SIRT6: variants seen among roughly 807,000 people sequenced by gnomAD.
SIRT6 encodes the protein sirtuin 6.
In SIRT6, 21 loss-of-function variants were observed where a neutral mutation model predicts 33.6. The observed-to-expected ratio is 0.62, with a 90% CI of 0.44 to 0.90. SIRT6 has a LOEUF of 0.90. Among genes scored for constraint, SIRT6 ranks in the 40% least tolerant of loss-of-function variants. The probability of loss-of-function intolerance (pLI) is 0.00; values close to 1 mark genes in which losing one functional copy is unlikely to be tolerated. For synonymous variants in SIRT6, 221 were observed against 223.9 expected, an observed-to-expected ratio of 0.99 and a Z score of 0.12; for missense variants, 504 against 510.6, an observed-to-expected ratio of 0.99 and a Z score of 0.12.
At chr19:4,181,955 T>C (rs1424627172) in intron 1 of SIRT6, among the ~76,000 whole-genome samples, 1 of 152,110 alleles carries the variant, frequency 6.6e-6, no homozygotes, top group Non-Finnish European at 1.5e-5. Context: ...AGTTTGGAGA[T>C]GGAGACCCAA....
At chr19:4,179,545 A>G (rs565384426) in intron 2 of SIRT6, 81 of 527,964 alleles carry the variant, frequency 1.5e-4, no homozygotes, top group Non-Finnish European at 2.4e-4. Context: ...TTGGAGAGAG[A>G]CAGAGAGAGG....
Position 4,174,943 on chromosome 19 carries a change from G to A in SIRT6, c.742C>T (p.Arg248Cys), listed in dbSNP as rs201886868. 8.7e-6 allele frequency: 14 copies of A among 1,608,714 alleles called. No individual in the cohort carries two copies. The East Asian group carries it at 1.3e-4, about 15-fold the overall frequency. Reference protein sequence around the residue: ...IVNLQPTKHDRHADLRIHGYV... With the variant: ...IVNLQPTKHDCHADLRIHGYV... Reference sequence around the variant, plus strand: ...CCATGGATGCGGAGGTCAGCATGGCGGTCCTGCCGAGGGGCGGGACGGGTC... The same window carrying A: ...CCATGGATGCGGAGGTCAGCATGGCAGTCCTGCCGAGGGGCGGGACGGGTC... The change falls in exon 8 of 8, where the codon CGC becomes TGC. Residue 248 changes from arginine to cysteine, a missense_variant. Coordinates refer to ENST00000337491, the MANE Select transcript of SIRT6 (RefSeq NM_016539.4). The surrounding 1 kb of genome is among the most constrained non-coding windows in gnomAD (Gnocchi z 4.2).
intron 2 of SIRT6, among the ~76,000 whole-genome samples, chr19:4,180,186 C>A (rs998873915): frequency 7.1e-6 from 1 of 139,868 alleles, no homozygotes; most frequent in Admixed American, 8.0e-5. Context: ...CTGACTGCAA[C>A]CTCTGCCTCC....
chr19:4,178,796 C>T (rs895910700), intron 3 of SIRT6, among the ~76,000 whole-genome samples: 1 of 152,192 alleles, frequency 6.6e-6, no homozygotes, highest in Non-Finnish European at 1.5e-5. Flanking sequence ...GGAGATCACG[C>T]CATTGCACTC....
At chr19:4,182,340 C>G (rs1235794823) in intron 1 of SIRT6, 134 bp downstream of exon 1, 3 of 913,678 alleles carry the variant, frequency 3.3e-6, no homozygotes, top group Non-Finnish European at 4.8e-6. Context: ...CTTCCCGCCC[C>G]TTCCTCACTG....
Position 4,179,268 on chromosome 19 carries a change from C to T in SIRT6, c.213G>A (p.Trp71Ter), listed in dbSNP as rs1967488121. Residue 71 changes from tryptophan to a stop codon, truncating the protein, a stop_gained, in exon 3 of 8, where the codon TGG becomes TGA. Coordinates refer to ENST00000337491, the MANE Select transcript of SIRT6 (RefSeq NM_016539.4). LOFTEE classifies it high-confidence loss of function. Reference protein sequence around the residue: ...IPDFRGPHGVWTMEERGLAPK... With the variant: ...IPDFRGPHGV ...GGGCCAGACCTCGCTCCTCCATGGT[C>T]CAGACTCCGTGGGGACCCCTGAAGG... 6.2e-7 allele frequency: 1 copy of T among 1,604,540 alleles called. No homozygotes were observed. Among genetic ancestry groups the T allele is most frequent in the Non-Finnish European group, 8.5e-7 (1 of 1,176,002 alleles).
chr19:4,182,211 C>T (rs1967730241), intron 1 of SIRT6: 1 of 489,314 alleles, frequency 2.0e-6, no homozygotes. Context: ...TTATTCCCAC[C>T]TCCCTTTGCG....
chr19:4,182,280 G>T (rs1967738991), intron 1 of SIRT6, 194 bp downstream of exon 1: 3 of 567,678 alleles, frequency 5.3e-6, no homozygotes, highest in Non-Finnish European at 9.2e-6. Flanking sequence ...CCCCGACAGG[G>T]TGACCACAGA....
intron 3 of SIRT6, among the ~76,000 whole-genome samples, chr19:4,178,381 G>A (rs1967430890): frequency 6.6e-6 from 1 of 152,114 alleles, no homozygotes; most frequent in South Asian, 2.1e-4. Context: ...ACCCCTGGCT[G>A]CCGAGCTCCT....
Position 4,175,224 on chromosome 19 carries a change from G to C in SIRT6, c.615-73C>G, listed in dbSNP as rs1252481194. 1.1e-5 allele frequency: 16 copies of C among 1,519,014 alleles called. No individual in the cohort carries two copies. In the Admixed American group the frequency reaches 3.1e-4, roughly 30 times the overall value. 94.1% of individuals were successfully genotyped at this position (1,519,014 alleles called of 1,614,324 possible). A position where few individuals can be genotyped will look rare whatever the true frequency, so the allele number is the denominator to read the frequency against. ...CATCCCGAGCCAGCCCTGGGGGCCG[G>C]TTCACACCTAGGCCATCTGTGCTCA... is the stretch of plus-strand genomic sequence containing the variant. On this transcript the variant is annotated intron_variant, in intron 6 of 7. Coordinates refer to ENST00000337491, the MANE Select transcript of SIRT6 (RefSeq NM_016539.4).
intron 6 of SIRT6, 109 bp from the exon 7 acceptor site, chr19:4,175,260 C>G: frequency 7.1e-7 from 1 of 1,414,808 alleles, no homozygotes; most frequent in South Asian, 1.4e-5. Context: ...CCGGGGCGGT[C>G]AAGGCCAGCC....
At position 4,178,096 on chromosome 19, in the gene SIRT6, G is replaced by A. The variant is rs528648223; in HGVS notation, c.378-958C>T. 1.0e-4 allele frequency among the ~76,000 whole-genome samples: 15 copies of A among 146,360 alleles called. No individual in the cohort carries two copies. The South Asian group carries it at 1.1e-3, about 11-fold the overall frequency. Reference sequence around the variant, plus strand: ...AGCTGGAGTGCAGTGGCGCCATCTCGGCTCACTGCAACCTCTGCCTCCCGG... The same window carrying A: ...AGCTGGAGTGCAGTGGCGCCATCTCAGCTCACTGCAACCTCTGCCTCCCGG... On this transcript the variant is annotated intron_variant, in intron 3 of 7. Coordinates refer to ENST00000337491, the MANE Select transcript of SIRT6 (RefSeq NM_016539.4).
intron 3 of SIRT6, 78 bp from the exon 4 acceptor site, chr19:4,177,216 CCT>C: frequency 6.9e-7 from 1 of 1,439,712 alleles, no homozygotes; most frequent in Admixed American, 1.8e-5. Context: ...GTGCTAAGCC[CCT>C]CTCCTCCAGG....
At position 4,174,939 on chromosome 19, in the gene SIRT6, T is replaced by C. The variant is rs745815651; in HGVS notation, c.746A>G (p.His249Arg). The change falls in exon 8 of 8, where the codon CAT becomes CGT. Residue 249 changes from histidine (H) to arginine (R), a missense_variant. His to Arg is a conservative substitution (Grantham distance 29). Coordinates refer to ENST00000337491, the MANE Select transcript of SIRT6 (RefSeq NM_016539.4). This position sits in a 1 kb window ranked among gnomAD's most constrained non-coding sequence, Gnocchi z 4.2. The part of the protein sequence containing the change: ...VNLQPTKHDR[H>R]ADLRIHGYVD... The stretch of plus-strand genomic sequence containing the variant: ...GTAGCCATGGATGCGGAGGTCAGCA[T>C]GGCGGTCCTGCCGAGGGGCGGGACG... 6 of 1,608,232 alleles carry C rather than the reference T, an allele frequency of 3.7e-6. No homozygotes were observed. In the African/African-American group the frequency reaches 4.0e-5, roughly 11 times the overall value.
At chr19:4,176,933 T>C (rs1331564382) in intron 4 of SIRT6, 146 bp downstream of exon 4, 12 of 402,570 alleles carry the variant, frequency 3.0e-5, no homozygotes, top group Non-Finnish European at 5.1e-5. Flanking sequence ...ACTCCTTATA[T>C]CCCCCCAAGA....
rs144977739 is a variant in SIRT6, at chr19:4,179,277, G to T, written c.204C>A (p.His68Gln). Residue 68 changes from histidine to glutamine, a missense_variant, in exon 3 of 8, where the codon CAC (histidine) becomes CAA (glutamine). By Grantham distance (24) the His-to-Gln change is conservative. Coordinates refer to ENST00000337491, the MANE Select transcript of SIRT6 (RefSeq NM_016539.4). Reference protein sequence around the residue: ...ASGIPDFRGPHGVWTMEERGL... With the variant: ...ASGIPDFRGPQGVWTMEERGL... ...CTCGCTCCTCCATGGTCCAGACTCC[G>T]TGGGGACCCCTGAAGGTGGCAGGCC... 4.4e-6 allele frequency: 7 copies of T among 1,601,438 alleles called. No individual in the cohort carries two copies. In the Admixed American group the frequency reaches 5.2e-5, roughly 12 times the overall value.
chr19:4,181,366 A>C (rs2145183265), intron 1 of SIRT6, among the ~76,000 whole-genome samples: 1 of 152,330 alleles, frequency 6.6e-6, no homozygotes, highest in Non-Finnish European at 1.5e-5. Context: ...ACTGGTTTCC[A>C]TGCAACCCCT....
Position 4,179,098 on chromosome 19 carries a change from T to C in SIRT6, c.377+6A>G, listed in dbSNP as rs1381571049. On this transcript the variant is annotated splice_donor_region_variant and intron_variant, in intron 3 of 7. Transcript: ENST00000337491. ...CTCTTTTGTGGGGGCGGGGCCAGGG[T>C]GTTACCTGGGGAAGCCTGAGCGCAC... The C allele has an allele frequency of 3.1e-6, 5 of 1,610,930 alleles. No individual in the cohort carries two copies. The highest frequency in any genetic ancestry group is 4.2e-6 in the Non-Finnish European group (5 of 1,179,666).
At chr19:4,175,002 G>C (rs1254355672) in intron 7 of SIRT6, 26 bp downstream of exon 7, 5 of 1,604,900 alleles carry the variant, frequency 3.1e-6, no homozygotes, top group African/African-American at 1.3e-5. Flanking sequence ...TGGTGGCCCT[G>C]GGCAGGGGTA....
Sources: allele counts gnomAD v4.1 joint callset (sites outside exome capture counted in the v4.1 genomes callset), GRCh38; gene constraint gnomAD v4.1.1; non-coding constraint Gnocchi (gnomAD v3.1); transcripts MANE v1.5; gene names NCBI Gene and HGNC (gene_info 2026-07-23, HGNC 2026-07-21).